Variants in C12orf42 observed in about 807,000 individuals in gnomAD.
C12orf42 encodes chromosome 12 open reading frame 42.
A neutral mutation model predicts 21.6 loss-of-function variants in C12orf42; 25 were observed. That is an observed-to-expected ratio of 1.16 (90% CI 0.84 to 1.62). C12orf42 has a LOEUF of 1.62. Ranked by LOEUF, C12orf42 falls within the 40% of genes most tolerant of loss-of-function variation. The pLI is 0.00. For synonymous variants in C12orf42, 174 were observed against 175.0 expected, an observed-to-expected ratio of 0.99 and a Z score of 0.05; for missense variants, 483 against 459.3, an observed-to-expected ratio of 1.05 and a Z score of -0.47.
At chr12:103,207,992 G>A in the C12orf42 span, among the ~76,000 whole-genome samples, 13 of 152,260 alleles carry the variant, frequency 8.5e-5, no homozygotes, top group South Asian at 2.1e-4. Context: ...ACTCTACCAC[G>A]TCAGGCCAGA....
intron 4 of C12orf42, among the ~76,000 whole-genome samples, chr12:103,315,890 T>C (rs1453029013): frequency 6.6e-6 from 1 of 152,002 alleles, no homozygotes; most frequent in African/African-American, 2.4e-5. Flanking sequence ...ATGATAAGTA[T>C]GTAAAATAAT....
chr12:103,211,690 CCCAGCTAAATCATTCAGAACAA>C, the C12orf42 span, among the ~76,000 whole-genome samples: 2 of 152,082 alleles, frequency 1.3e-5, no homozygotes, highest in Non-Finnish European at 1.5e-5. Flanking sequence ...TAGTGAAAGA[CCCAGCTAAATCATTCAGAACAA>C]CCAGCTAAAT....
In C12orf42 at chr12:103,372,292, A is replaced by G. The variant is rs12311545; in HGVS notation, c.148-3294T>C. ...TAAATATGGCACTGGCCTTCTTAAT[A>G]GTGTTCATTGATTTCCCACCATTTA... On this transcript the variant is annotated intron_variant, in intron 3 of 5. Coordinates refer to ENST00000548883, the MANE Select transcript of C12orf42 (RefSeq NM_198521.5). Among the ~76,000 whole-genome samples the G allele has an allele frequency of 5.0e-3, 762 of 152,258 alleles. 6 individuals are homozygous for G. Among genetic ancestry groups the G allele is most frequent in the African/African-American group, 0.017 (725 of 41,546 alleles).
At chr12:103,083,272 G>A in the C12orf42 span, among the ~76,000 whole-genome samples, 11 of 152,138 alleles carry the variant, frequency 7.2e-5, no homozygotes, top group Admixed American at 2.0e-4. Context: ...GCTGAGACAT[G>A]AGAATAGCTT....
the C12orf42 span, chr12:103,164,886 A>G: frequency 3.4e-6 from 1 of 296,920 alleles, no homozygotes; most frequent in Admixed American, 4.1e-5. Flanking sequence ...ATATTAGGAT[A>G]AAATATGCTC....
At chr12:103,402,730 G>A (rs76527187) in intron 2 of C12orf42, among the ~76,000 whole-genome samples, 8,992 of 152,292 alleles carry the variant, frequency 0.059, 256 homozygotes, top group Middle Eastern at 0.12. Flanking sequence ...TTGGGTGATG[G>A]ACTAGAGACA....
At chr12:103,299,354 AATT>A (rs1451954652), downstream of C12orf42, among the ~76,000 whole-genome samples, 7 of 151,686 alleles carry the variant, frequency 4.6e-5, no homozygotes, top group East Asian at 9.6e-4. Flanking sequence ...CTGTTATTAT[AATT>A]ATTATTTTAT....
intron 4 of C12orf42, among the ~76,000 whole-genome samples, chr12:103,290,497 G>T (rs2036733305): frequency 6.6e-6 from 1 of 152,182 alleles, no homozygotes; most frequent in African/African-American, 2.4e-5. Context: ...AGAGAACATT[G>T]TTAAAGTCAA....
chr12:103,309,488 A>G (rs890493963), intron 4 of C12orf42, among the ~76,000 whole-genome samples: 2 of 152,262 alleles, frequency 1.3e-5, no homozygotes, highest in Non-Finnish European at 2.9e-5. Flanking sequence ...TCCAGTCAAC[A>G]GAAGACTACT....
At chr12:103,498,764 A>G (rs1487944498), upstream of C12orf42, among the ~76,000 whole-genome samples, 1 of 151,778 alleles carries the variant, frequency 6.6e-6, no homozygotes, top group African/African-American at 2.4e-5. Flanking sequence ...GCAAACTAAC[A>G]CTAGAACAGA....
At chr12:103,096,417 A>G in the C12orf42 span, among the ~76,000 whole-genome samples, 1 of 152,190 alleles carries the variant, frequency 6.6e-6, no homozygotes, top group South Asian at 2.1e-4. Flanking sequence ...AATAAACAGA[A>G]CTTTTAGATA....
chr12:103,219,974 C>A, the C12orf42 span, among the ~76,000 whole-genome samples: 1 of 152,290 alleles, frequency 6.6e-6, no homozygotes, highest in Admixed American at 6.5e-5. Flanking sequence ...ATGTTTATTG[C>A]AGCACTATTT....
chr12:103,109,324 T>G, the C12orf42 span, among the ~76,000 whole-genome samples: 1 of 152,116 alleles, frequency 6.6e-6, no homozygotes, highest in Non-Finnish European at 1.5e-5. Flanking sequence ...AATGTGTGTG[T>G]GTGTGAACCC....
At chr12:103,395,400 A>C (rs1487258167) in intron 3 of C12orf42, among the ~76,000 whole-genome samples, 1 of 143,478 alleles carries the variant, frequency 7.0e-6, no homozygotes, top group African/African-American at 2.6e-5. Flanking sequence ...CAGTGGGGTG[A>C]TCTCCGCTCA....
At chr12:103,314,865 A>C (rs1489947147) in intron 4 of C12orf42, among the ~76,000 whole-genome samples, 1 of 152,192 alleles carries the variant, frequency 6.6e-6, no homozygotes. Context: ...AGATTTAATC[A>C]TAAGATTATA....
chr12:103,320,337 G>T (rs932582479), intron 4 of C12orf42, among the ~76,000 whole-genome samples: 4 of 152,100 alleles, frequency 2.6e-5, no homozygotes, highest in African/African-American at 9.7e-5. Flanking sequence ...CTTCTAATAG[G>T]CATAATTTCC....
the C12orf42 span, among the ~76,000 whole-genome samples, chr12:103,054,187 T>C: frequency 0.012 from 1,779 of 151,990 alleles, 40 homozygotes; most frequent in African/African-American, 0.041. Flanking sequence ...AGCACTGACA[T>C]CTTCACAATG....
the C12orf42 span, among the ~76,000 whole-genome samples, chr12:103,501,554 C>G: frequency 6.6e-6 from 1 of 152,210 alleles, no homozygotes; most frequent in Non-Finnish European, 1.5e-5. Context: ...CCCTATTGCC[C>G]TTTCCCATGT....
chr12:103,420,674 C>T (rs370401495), intron 2 of C12orf42, among the ~76,000 whole-genome samples: 273 of 152,190 alleles, frequency 1.8e-3, no homozygotes, highest in African/African-American at 6.2e-3. Flanking sequence ...GAATTACAGG[C>T]GCACACCACC....
Sources: allele counts gnomAD v4.1 joint callset (sites outside exome capture counted in the v4.1 genomes callset), GRCh38; gene constraint gnomAD v4.1.1; transcripts MANE v1.5; gene names NCBI Gene and HGNC (gene_info 2026-07-23, HGNC 2026-07-21).